The following GPR158 variants were observed in gnomAD, a reference collection of about 807,000 sequenced individuals.
GPR158 encodes G protein-coupled receptor 158.
In GPR158, 30 loss-of-function variants were observed where a neutral mutation model predicts 78.2. That is an observed-to-expected ratio of 0.38 (90% CI 0.29 to 0.52). The LOEUF is 0.52. Among genes scored for constraint, GPR158 ranks in the 20% least tolerant of loss-of-function variants. The pLI, the probability that GPR158 is intolerant of heterozygous loss-of-function variation, is 0.83. For synonymous variants in GPR158, 581 were observed against 591.1 expected (o/e 0.98, Z 0.25); for missense variants, 1,463 against 1,523.5 (o/e 0.96, Z 0.66).
chr10:25,444,235 GGT>G (rs1443379027), intron 4 of GPR158, among the ~76,000 whole-genome samples: 1 of 151,330 alleles, frequency 6.6e-6, no homozygotes, highest in African/African-American at 2.4e-5. Context: ...AATAATGGGG[GGT>G]GTGTGTGAGT....
At position 25,430,543 on chromosome 10, in the gene GPR158, T is replaced by C. The variant is rs546623027; in HGVS notation, c.1335+18070T>C. ...GTTCATATGGAACCAAAAAAGAGCC[T>C]GCATCGCCAAGTCAATCCTAAGCCA... is the stretch of plus-strand genomic sequence containing the variant. On this transcript the variant is annotated intron_variant, in intron 4 of 10. Transcript: ENST00000376351. 3.9e-3 allele frequency among the ~76,000 whole-genome samples: 584 copies of C among 150,310 alleles called. 3 individuals are homozygous for C. Among genetic ancestry groups the C allele is most frequent in the Non-Finnish European group, 6.8e-3 (463 of 67,626 alleles).
intron 1 of GPR158, among the ~76,000 whole-genome samples, chr10:25,220,066 T>C (rs1853277961): frequency 6.6e-6 from 1 of 152,004 alleles, no homozygotes; most frequent in Non-Finnish European, 1.5e-5. Context: ...TAATGAAAAA[T>C]TGTTTAAATT....
At chr10:25,298,639 G>C (rs1483577633) in intron 2 of GPR158, among the ~76,000 whole-genome samples, 1 of 152,118 alleles carries the variant, frequency 6.6e-6, no homozygotes, top group Admixed American at 6.5e-5. Flanking sequence ...ATTAAAAGGT[G>C]GGTTGTTCAA....
intron 3 of GPR158, among the ~76,000 whole-genome samples, chr10:25,404,034 AT>A (rs1834480007): frequency 6.6e-6 from 1 of 152,106 alleles, no homozygotes; most frequent in Non-Finnish European, 1.5e-5. Context: ...GCTTCTTATT[AT>A]GTAGTAGTAG....
chr10:25,462,048 C>G (rs996272605), intron 4 of GPR158, among the ~76,000 whole-genome samples: 1 of 152,156 alleles, frequency 6.6e-6, no homozygotes, highest in African/African-American at 2.4e-5. Context: ...CCAGGACTTT[C>G]ATAGCTAGCG....
chr10:25,482,413 C>A lies in GPR158; in HGVS notation c.1404+15694C>A, dbSNP rs548794996. On this transcript the variant is annotated intron_variant, in intron 5 of 10. Coordinates refer to ENST00000376351, the MANE Select transcript of GPR158 (RefSeq NM_020752.3). ...GGCCAGGCTGGTCTTGAACCCCTGG[C>A]CTTATGTAATCCTCTCACCTCATCC... 5.7e-4 allele frequency among the ~76,000 whole-genome samples: 87 copies of A among 152,126 alleles called. 1 individual carries two copies. The highest frequency in any genetic ancestry group is 1.0e-3 in the Non-Finnish European group (70 of 67,998).
At chr10:25,550,111 G>T (rs563705617) in intron 5 of GPR158, among the ~76,000 whole-genome samples, 7 of 152,202 alleles carry the variant, frequency 4.6e-5, no homozygotes, top group African/African-American at 1.4e-4. Flanking sequence ...GGAGTGTCTT[G>T]CACGTTATCT....
At chr10:25,595,363 A>G (rs1291572456) in intron 9 of GPR158, among the ~76,000 whole-genome samples, 2 of 152,216 alleles carry the variant, frequency 1.3e-5, no homozygotes, top group African/African-American at 4.8e-5. Context: ...GCATAATATG[A>G]TTACACTTTT....
chr10:25,513,677 C>G (rs1836119568), intron 5 of GPR158, among the ~76,000 whole-genome samples: 1 of 152,062 alleles, frequency 6.6e-6, no homozygotes, highest in South Asian at 2.1e-4. Flanking sequence ...TTTCTCTTAA[C>G]ATTGCTTTTG....
intron 2 of GPR158, among the ~76,000 whole-genome samples, chr10:25,259,265 A>G (rs988092843): frequency 6.6e-6 from 1 of 152,196 alleles, no homozygotes; most frequent in Non-Finnish European, 1.5e-5. Flanking sequence ...TGCTAGTTCC[A>G]ACAAGACTTT....
chr10:25,499,131 G>A (rs192623496), intron 5 of GPR158, among the ~76,000 whole-genome samples: 46 of 152,234 alleles, frequency 3.0e-4, no homozygotes, highest in Admixed American at 2.0e-3. Flanking sequence ...GATAAAAGTC[G>A]ATATATTTCA....
At chr10:25,233,075 G>A (rs1853474329) in intron 2 of GPR158, among the ~76,000 whole-genome samples, 1 of 152,214 alleles carries the variant, frequency 6.6e-6, no homozygotes, top group African/African-American at 2.4e-5. Flanking sequence ...AGGGGGAATC[G>A]TTAGATGATC....
intron 5 of GPR158, among the ~76,000 whole-genome samples, chr10:25,539,636 A>G (rs1455804730): frequency 2.0e-5 from 3 of 149,872 alleles, no homozygotes; most frequent in Non-Finnish European, 4.4e-5. Context: ...TGTATATTTT[A>G]TAATTTTTAA....
chr10:25,394,913 GA>G (rs1450361500), intron 2 of GPR158, among the ~76,000 whole-genome samples: 7 of 152,006 alleles, frequency 4.6e-5, no homozygotes, highest in Admixed American at 2.0e-4. Flanking sequence ...TGAAAAGAGG[GA>G]CATCTTATAA....
intron 2 of GPR158, among the ~76,000 whole-genome samples, chr10:25,317,392 A>C (rs192128347): frequency 2.1e-4 from 32 of 151,662 alleles, no homozygotes; most frequent in African/African-American, 7.5e-4. Context: ...CATTTTCTTC[A>C]ATTCTCCTTG....
intron 2 of GPR158, among the ~76,000 whole-genome samples, chr10:25,251,015 T>G (rs886969624): frequency 1.4e-4 from 21 of 151,918 alleles, no homozygotes; most frequent in Admixed American, 1.2e-3. Flanking sequence ...GGTGCATATA[T>G]ATTTAGGATA....
At chr10:25,431,469 G>A (rs1402542224) in intron 4 of GPR158, among the ~76,000 whole-genome samples, 1 of 140,760 alleles carries the variant, frequency 7.1e-6, no homozygotes, top group Admixed American at 7.1e-5. Context: ...CAGGGATCTA[G>A]AGCTAGAAAT....
intron 5 of GPR158, among the ~76,000 whole-genome samples, chr10:25,548,332 T>C (rs1836689774): frequency 6.6e-6 from 1 of 151,958 alleles, no homozygotes; most frequent in South Asian, 2.1e-4. Flanking sequence ...AAAGAAGGGG[T>C]GGCTGGGTTG....
intron 5 of GPR158, among the ~76,000 whole-genome samples, chr10:25,529,107 G>A (rs1048788376): frequency 6.6e-6 from 1 of 152,250 alleles, no homozygotes; most frequent in East Asian, 1.9e-4. Context: ...GAGAGCATAC[G>A]GCCAGGCATG....
Sources: gnomAD v4.1 joint callset for allele counts (sites outside exome capture counted in the v4.1 genomes callset) on GRCh38, gnomAD v4.1.1 for gene constraint, MANE v1.5 for transcripts, NCBI Gene and HGNC (gene_info 2026-07-23, HGNC 2026-07-21) for gene names.